Variants in USP9X observed in about 807,000 individuals in gnomAD.
USP9X encodes ubiquitin carboxyl-terminal hydrolase 9X.
USP9X carries 7 observed loss-of-function variants against 190.3 expected under a neutral mutation model. The ratio of observed to expected loss-of-function variants is 0.04; its 90% CI spans 0.02 to 0.07. USP9X has a LOEUF of 0.07. Among genes scored for constraint, USP9X ranks in the 10% least tolerant of loss-of-function variants. USP9X has a pLI of 1.00. For synonymous variants in USP9X, 645 were observed against 659.5 expected (o/e 0.98, Z 0.34); for missense variants, 1,010 against 1,916.9 (o/e 0.53, Z 8.83).
chrX:41,225,153 G>C lies in USP9X; in HGVS notation c.7061+16G>C, dbSNP rs1427076243. On this transcript the variant is annotated intron_variant, in intron 41 of 44. Coordinates refer to ENST00000378308, the MANE Select transcript of USP9X (RefSeq NM_001039591.3). ...AAACTCACAGGTGGATACTCTTTTT[G>C]TGACTGGAAACAATTAGGCTTGCCC... is the stretch of plus-strand genomic sequence containing the variant. 7.5e-6 allele frequency: 9 copies of C among 1,198,017 alleles called. No homozygotes were observed. The highest frequency in any genetic ancestry group is 1.0e-5 in the Non-Finnish European group (9 of 884,198).
chrX:41,230,956 G>A (rs1397153639), intron 44 of USP9X, among the ~76,000 whole-genome samples: 1 of 111,725 alleles, frequency 9.0e-6, no homozygotes, highest in Non-Finnish European at 1.9e-5. Flanking sequence ...ATTAAGATAT[G>A]GCAATGAAGT....
At chrX:41,208,623 T>A (rs774954423) in intron 32 of USP9X, among the ~76,000 whole-genome samples, 1 of 112,435 alleles carries the variant, frequency 8.9e-6, no homozygotes, top group Admixed American at 9.4e-5. Flanking sequence ...TTTTACTAAT[T>A]AACATTTTGC....
intron 21 of USP9X, among the ~76,000 whole-genome samples, chrX:41,178,646 T>C (rs2062800332): frequency 2.7e-5 from 3 of 112,118 alleles, no homozygotes; most frequent in Non-Finnish European, 5.6e-5. Context: ...GCAAATATTT[T>C]CTCCAATTCT....
At chrX:41,106,576 G>A (rs1477571148) in intron 1 of USP9X, among the ~76,000 whole-genome samples, 1 of 89,252 alleles carries the variant, frequency 1.1e-5, no homozygotes, top group Non-Finnish European at 2.1e-5. Context: ...TGTCACTCAG[G>A]CTGGAGTGCA....
intron 26 of USP9X, among the ~76,000 whole-genome samples, chrX:41,192,214 G>A (rs1313957098): frequency 9.0e-6 from 1 of 111,451 alleles, no homozygotes; most frequent in African/African-American, 3.3e-5. Flanking sequence ...TTTTAAATTT[G>A]GCTTATAAGC....
chrX:41,167,788 A>C (rs1028724401), intron 17 of USP9X, among the ~76,000 whole-genome samples: 2 of 112,136 alleles, frequency 1.8e-5, no homozygotes, highest in Middle Eastern at 4.2e-3. Flanking sequence ...CTAATCCTGA[A>C]GTTCACTTTT....
At chrX:41,224,631 A>G (rs1228203524) in intron 39 of USP9X, 111 bp from the exon 40 acceptor site, 2 of 693,265 alleles carry the variant, frequency 2.9e-6, no homozygotes, top group Admixed American at 3.7e-5. Flanking sequence ...GCGAGACTCC[A>G]TCTTAAAAAA....
At chrX:41,195,838 CA>C in intron 26 of USP9X, 2 of 309,782 alleles carry the variant, frequency 6.5e-6, no homozygotes, top group East Asian at 2.0e-4. Flanking sequence ...ACATCTGCCA[CA>C]ATAGCCTTAC....
At chrX:41,194,535 C>T (rs1271375336) in intron 26 of USP9X, among the ~76,000 whole-genome samples, 1 of 110,864 alleles carries the variant, frequency 9.0e-6, no homozygotes, top group Non-Finnish European at 1.9e-5. Context: ...GCCTGGGCAA[C>T]AAGAGCGAAA....
intron 21 of USP9X, among the ~76,000 whole-genome samples, chrX:41,181,272 CTTTTTTTTTT>C (rs769952292): frequency 4.0e-5 from 3 of 75,421 alleles, no homozygotes; most frequent in East Asian, 4.5e-4. Context: ...TTTCTCATTT[CTTTTTTTTTT>C]TTTTTTTTTT....
intron 1 of USP9X, among the ~76,000 whole-genome samples, chrX:41,106,721 G>A (rs1310216579): frequency 1.9e-5 from 2 of 107,155 alleles, no homozygotes; most frequent in Non-Finnish European, 3.8e-5. Context: ...AGTAGAGATG[G>A]GGTTTTGCCA....
intron 44 of USP9X, among the ~76,000 whole-genome samples, chrX:41,231,731 C>CAAAA (rs750438773): frequency 2.1e-5 from 1 of 47,963 alleles, no homozygotes; most frequent in Non-Finnish European, 4.2e-5. Flanking sequence ...ACTCCCATCT[C>CAAAA]AAAAAAAAAA....
At chrX:41,113,898 CA>C (rs779731592) in intron 1 of USP9X, among the ~76,000 whole-genome samples, 2 of 112,764 alleles carry the variant, frequency 1.8e-5, no homozygotes, top group African/African-American at 3.2e-5. Flanking sequence ...TTAATGCACA[CA>C]AACGTTTTTA....
At chrX:41,134,376 G>A (rs1039603980) in intron 4 of USP9X, among the ~76,000 whole-genome samples, 5 of 112,330 alleles carry the variant, frequency 4.5e-5, no homozygotes, top group Admixed American at 1.9e-4. Flanking sequence ...ACACAGAATA[G>A]TATAAGGATA....
intron 1 of USP9X, among the ~76,000 whole-genome samples, chrX:41,100,939 C>A (rs1337673750): frequency 9.0e-6 from 1 of 110,922 alleles, no homozygotes; most frequent in Non-Finnish European, 1.9e-5. Context: ...GGCCACCTCT[C>A]CTGTTTTAAA....
At chrX:41,150,436 TGTA>T (rs1301307145) in intron 12 of USP9X, among the ~76,000 whole-genome samples, 8 of 112,347 alleles carry the variant, frequency 7.1e-5, no homozygotes, top group African/African-American at 2.6e-4. Context: ...TATTTTTAAA[TGTA>T]GTTGTCATTC....
chrX:41,190,591 T>C (rs1196243898), intron 26 of USP9X, among the ~76,000 whole-genome samples: 1 of 111,790 alleles, frequency 8.9e-6, no homozygotes, highest in African/African-American at 3.3e-5. Flanking sequence ...GGAAAGATGA[T>C]TAGCCAACAG....
intron 21 of USP9X, among the ~76,000 whole-genome samples, chrX:41,175,539 A>T (rs745509459): frequency 1.9e-4 from 21 of 110,843 alleles, no homozygotes; most frequent in Non-Finnish European, 1.9e-4. Context: ...AAAAAAATTT[A>T]AAAAAGTTCC....
intron 34 of USP9X, 124 bp from the exon 35 acceptor site, chrX:41,215,775 T>A: frequency 1.6e-6 from 1 of 642,985 alleles, no homozygotes; most frequent in Non-Finnish European, 2.3e-6. Context: ...CTCATTGTCA[T>A]GTATTTGTTT....
Sources: gnomAD v4.1 joint callset for allele counts (sites outside exome capture counted in the v4.1 genomes callset) on GRCh38, gnomAD v4.1.1 for gene constraint, MANE v1.5 for transcripts, NCBI Gene and HGNC (gene_info 2026-07-23, HGNC 2026-07-21) for gene names.